SEZ6L: variants seen among roughly 807,000 people sequenced by gnomAD.
SEZ6L encodes the protein seizure related 6 homolog like.
A neutral mutation model predicts 106.2 loss-of-function variants in SEZ6L; 37 were observed. That is an observed-to-expected ratio of 0.35 (90% CI 0.27 to 0.46). The LOEUF is 0.46. Ranked by LOEUF, SEZ6L falls within the 20% of genes least tolerant of loss-of-function variation. The pLI, the probability that SEZ6L is intolerant of heterozygous loss-of-function variation, is 1.00. For synonymous variants in SEZ6L, 541 were observed against 570.4 expected (o/e 0.95, Z 0.73); for missense variants, 1,172 against 1,332.8 (o/e 0.88, Z 1.88).
chr22:26,187,668 G>T (rs1023463131), intron 1 of SEZ6L, among the ~76,000 whole-genome samples: 6 of 152,220 alleles, frequency 3.9e-5, no homozygotes, highest in Admixed American at 2.6e-4. Context: ...GAGAGGAAAA[G>T]AATATAAATT....
chr22:26,228,587 T>G (rs530042288), intron 1 of SEZ6L, among the ~76,000 whole-genome samples: 9 of 152,324 alleles, frequency 5.9e-5, no homozygotes, highest in African/African-American at 1.9e-4. Flanking sequence ...TTCCCAGTTC[T>G]GCTTCCTCCT....
chr22:26,243,473 C>A (rs2079208538), intron 1 of SEZ6L, among the ~76,000 whole-genome samples: 1 of 152,192 alleles, frequency 6.6e-6, no homozygotes, highest in African/African-American at 2.4e-5. Context: ...AGAGCATGTG[C>A]AAAGGCCCTG....
At chr22:26,216,262 C>A (rs1488745117) in intron 1 of SEZ6L, among the ~76,000 whole-genome samples, 2 of 152,202 alleles carry the variant, frequency 1.3e-5, no homozygotes, top group Admixed American at 6.5e-5. Context: ...CTAAATCAGT[C>A]TTTCCTGTCT....
rs140820858 is a variant in SEZ6L at position 26,237,085 on chromosome 22, A to C, written c.95-55321A>C. 7.2e-5 allele frequency among the ~76,000 whole-genome samples: 11 copies of C among 152,306 alleles called. No individual in the cohort carries two copies. The East Asian group carries it at 2.1e-3, about 29-fold the overall frequency. On this transcript the variant is annotated intron_variant, in intron 1 of 16. Transcript: ENST00000248933. ...GTTGAGTCACACAGGGATAGGTTCAAATCCAGGCTTAGCTGCTCAACTCGA... is the reference window on the plus strand; with the variant it reads ...GTTGAGTCACACAGGGATAGGTTCACATCCAGGCTTAGCTGCTCAACTCGA...
At chr22:26,170,873 GGGCTCCGCCTCT>G (rs1938547813) in intron 1 of SEZ6L, among the ~76,000 whole-genome samples, 1 of 152,240 alleles carries the variant, frequency 6.6e-6, no homozygotes, top group African/African-American at 2.4e-5. Context: ...TGCTTATCTG[GGGCTCCGCCTCT>G]GTCATTTGCA....
chr22:26,209,699 AAAG>A (rs887735776), intron 1 of SEZ6L, among the ~76,000 whole-genome samples: 2 of 149,620 alleles, frequency 1.3e-5, no homozygotes, highest in African/African-American at 4.9e-5. Context: ...GGGAAGGAAA[AAAG>A]AAAGAGGAAG....
intron 13 of SEZ6L, 66 bp from the exon 14 acceptor site, chr22:26,373,385 C>A (rs1325954602): frequency 6.8e-7 from 1 of 1,473,770 alleles, no homozygotes; most frequent in African/African-American, 1.4e-5. Context: ...AATTTTTTGG[C>A]CTCATTTCAT....
chr22:26,243,839 G>A (rs971836990), intron 1 of SEZ6L, among the ~76,000 whole-genome samples: 1 of 151,570 alleles, frequency 6.6e-6, no homozygotes, highest in African/African-American at 2.4e-5. Flanking sequence ...GAGCAGGGAG[G>A]CCTGGCGTGG....
intron 1 of SEZ6L, among the ~76,000 whole-genome samples, chr22:26,268,769 C>A (rs1461309542): frequency 1.3e-5 from 2 of 152,210 alleles, no homozygotes; most frequent in East Asian, 3.9e-4. Flanking sequence ...CTAGCTGTGA[C>A]AACTAAAATT....
At chr22:26,296,848 A>T in intron 3 of SEZ6L, 40 bp from the exon 4 acceptor site, 1 of 1,491,124 alleles carries the variant, frequency 6.7e-7, no homozygotes, top group Non-Finnish European at 9.0e-7. Flanking sequence ...TCTCAAACAC[A>T]ACTCAGAGTT....
intron 1 of SEZ6L, among the ~76,000 whole-genome samples, chr22:26,234,078 T>C (rs1348717013): frequency 6.6e-6 from 1 of 152,150 alleles, no homozygotes; most frequent in African/African-American, 2.4e-5. Context: ...CTTAGTGCAA[T>C]TGGAAGCCAT....
intron 1 of SEZ6L, among the ~76,000 whole-genome samples, chr22:26,171,172 C>T (rs943802145): frequency 2.6e-5 from 4 of 152,210 alleles, no homozygotes; most frequent in Admixed American, 2.6e-4. Flanking sequence ...TTTAACAAAG[C>T]ATATCATTGA....
intron 12 of SEZ6L, among the ~76,000 whole-genome samples, chr22:26,358,257 A>G (rs1223910895): frequency 6.6e-6 from 1 of 152,224 alleles, no homozygotes; most frequent in African/African-American, 2.4e-5. Flanking sequence ...AGAACCATTA[A>G]ATGGACAGCA....
rs781393601 is a variant in SEZ6L at position 26,377,721 on chromosome 22, C to T, written c.2991C>T (p.Pro997=). 6 of 1,614,078 alleles carry T rather than the reference C, an allele frequency of 3.7e-6. No individual in the cohort carries two copies. Among genetic ancestry groups the T allele is most frequent in the African/African-American group, 1.3e-5 (1 of 75,036 alleles). ...NLRLPLMYSH[P]YSQITVETEF... ...GCCTGCCTCTGATGTACTCCCACCC[C>T]TACAGCCAGATCACCGTGGAAACCG... Residue 997 remains proline (P), a synonymous_variant, in exon 16 of 17, where the codon CCC becomes CCT. Coordinates refer to ENST00000248933, the MANE Select transcript of SEZ6L (RefSeq NM_021115.5).
intron 9 of SEZ6L, among the ~76,000 whole-genome samples, chr22:26,338,394 C>G (rs114217437): frequency 0.021 from 3,268 of 152,156 alleles, 112 homozygotes; most frequent in African/African-American, 0.074. Flanking sequence ...TCATTGTTTT[C>G]TTTTGTTTTG....
intron 1 of SEZ6L, among the ~76,000 whole-genome samples, chr22:26,219,253 A>AGTTT (rs1556124113): frequency 2.9e-5 from 1 of 34,504 alleles, no homozygotes. Flanking sequence ...GAGAAATACA[A>AGTTT]GTTTTTTTTT....
chr22:26,326,996 T>C (rs2082325411), intron 9 of SEZ6L, among the ~76,000 whole-genome samples: 1 of 151,820 alleles, frequency 6.6e-6, no homozygotes, highest in Non-Finnish European at 1.5e-5. Flanking sequence ...TTCCTGGGGG[T>C]GTTCTGGCCG....
rs576306902 is a variant in SEZ6L at position 26,231,703 on chromosome 22, C to T, written c.95-60703C>T. 2.1e-4 allele frequency among the ~76,000 whole-genome samples: 32 copies of T among 152,326 alleles called. No individual in the cohort carries two copies. In the South Asian group the frequency reaches 5.2e-3, roughly 25 times the overall value. Reference sequence around the variant, plus strand: ...CCCAGGAGACAGATCATTCATCACCCGCCCTGCCTTGGCATCTGGCTCCGC... The same window carrying T: ...CCCAGGAGACAGATCATTCATCACCTGCCCTGCCTTGGCATCTGGCTCCGC... On this transcript the variant is annotated intron_variant, in intron 1 of 16. Coordinates refer to ENST00000248933, the MANE Select transcript of SEZ6L (RefSeq NM_021115.5).
chr22:26,379,649 A>T (rs2084349996), intron 16 of SEZ6L, among the ~76,000 whole-genome samples: 1 of 149,918 alleles, frequency 6.7e-6, no homozygotes, highest in Non-Finnish European at 1.5e-5. Context: ...ACTACCCCCC[A>T]TGTTGTAGTC....
Sources: allele counts gnomAD v4.1 joint callset (sites outside exome capture counted in the v4.1 genomes callset), GRCh38; gene constraint gnomAD v4.1.1; transcripts MANE v1.5; gene names NCBI Gene and HGNC (gene_info 2026-07-23, HGNC 2026-07-21).